Variants in PARD3B observed in about 807,000 individuals in gnomAD.
The protein encoded by PARD3B is par-3 family cell polarity regulator beta.
PARD3B carries 103 observed loss-of-function variants against 130.2 expected under a neutral mutation model. The observed-to-expected ratio is 0.79, with a 90% CI of 0.67 to 0.93. The LOEUF (loss-of-function observed/expected upper bound fraction) is 0.93. PARD3B is among the 40% of genes least tolerant of loss of function. The probability of loss-of-function intolerance (pLI) is 0.00; values close to 1 mark genes in which losing one functional copy is unlikely to be tolerated. For synonymous variants in PARD3B, 583 were observed against 553.2 expected, an observed-to-expected ratio of 1.05 and a Z score of -0.76; for missense variants, 1,609 against 1,499.2, an observed-to-expected ratio of 1.07 and a Z score of -1.21.
intron 3 of PARD3B, among the ~76,000 whole-genome samples, chr2:204,973,907 G>A (rs935502969): frequency 6.6e-6 from 1 of 152,066 alleles, no homozygotes; most frequent in Non-Finnish European, 1.5e-5. Context: ...TCTCTATTTT[G>A]CTTACCCCTT....
intron 2 of PARD3B, among the ~76,000 whole-genome samples, chr2:204,961,296 A>G (rs376017210): frequency 2.0e-5 from 3 of 152,130 alleles, no homozygotes; most frequent in South Asian, 2.1e-4. Flanking sequence ...TAAGAAACAC[A>G]TGGTAGCTGG....
chr2:205,583,278 CAG>C (rs1489193865), intron 22 of PARD3B, among the ~76,000 whole-genome samples: 1 of 152,138 alleles, frequency 6.6e-6, no homozygotes, highest in Non-Finnish European at 1.5e-5. Context: ...TCTTTGAACT[CAG>C]AGAACTGATC....
intron 2 of PARD3B, among the ~76,000 whole-genome samples, chr2:204,755,458 C>T (rs968290215): frequency 6.6e-6 from 1 of 152,050 alleles, no homozygotes; most frequent in Admixed American, 6.6e-5. Flanking sequence ...GTCAACCAAC[C>T]CAAACTCTTA....
rs926241990 is a variant in PARD3B at position 205,460,736 on chromosome 2, T to G, written c.3044+20064T>G. On this transcript the variant is annotated intron_variant, in intron 20 of 22. Transcript: ENST00000406610. This position sits in a 1 kb window ranked among gnomAD's most constrained non-coding sequence, Gnocchi z 4.9. ...TAAAATTCACAGAGGCCTGAATGAG[T>G]TAATGCATGGCAAACCTGAAGCACA... Among the ~76,000 whole-genome samples, 6 of 152,012 alleles carry G rather than the reference T, an allele frequency of 3.9e-5. No individual in the cohort carries two copies. Among genetic ancestry groups the G allele is most frequent in the African/African-American group, 1.4e-4 (6 of 41,390 alleles).
In PARD3B at chr2:205,142,497, A is replaced by G. The variant is rs2033042020; in HGVS notation, c.1435-16225A>G. ...CGCATAACGAATACTTACTAGATGC[A>G]TACATTCTGCTGGATGCTAAACAGG... On this transcript the variant is annotated intron_variant, in intron 10 of 22. Coordinates refer to ENST00000406610, the MANE Select transcript of PARD3B (RefSeq NM_001302769.2). This position sits in a 1 kb window ranked among gnomAD's most constrained non-coding sequence, Gnocchi z 4.3. 6.6e-6 allele frequency among the ~76,000 whole-genome samples: 1 copy of G among 152,198 alleles called. No homozygotes were observed. The highest frequency in any genetic ancestry group is 6.5e-5 in the Admixed American group (1 of 15,288).
At chr2:204,658,816 A>G (rs1438088140) in intron 1 of PARD3B, among the ~76,000 whole-genome samples, 4 of 152,200 alleles carry the variant, frequency 2.6e-5, no homozygotes, top group Non-Finnish European at 4.4e-5. Flanking sequence ...TCCAGGGTAC[A>G]ATCTGCTATT....
At chr2:205,088,391 T>G (rs377603764) in intron 4 of PARD3B, among the ~76,000 whole-genome samples, 5 of 152,106 alleles carry the variant, frequency 3.3e-5, no homozygotes, top group Non-Finnish European at 7.4e-5. Context: ...AGAAAGAAAA[T>G]AAATAGATTG....
chr2:204,965,223 G>T lies in PARD3B; in HGVS notation c.294G>T (p.Arg98=), dbSNP rs753484042. Reference sequence around the variant, plus strand: ...GCCCCAGTGGAAACCCTGCAGATCGGCAGAGCCCAGATGCTTTTGAGACAG... The same window carrying T: ...GCCCCAGTGGAAACCCTGCAGATCGTCAGAGCCCAGATGCTTTTGAGACAG... The part of the protein sequence containing the change: ...IESPSGNPAD[R]QSPDAFETEV... Residue 98 remains arginine (R), a synonymous_variant, in exon 3 of 23, where the codon CGG becomes CGT. Transcript: ENST00000406610. 29 of 1,613,788 alleles carry T rather than the reference G, an allele frequency of 1.8e-5. 1 individual carries two copies. The South Asian group carries it at 3.0e-4, about 16-fold the overall frequency.
chr2:205,414,176 G>A (rs849263), intron 19 of PARD3B, among the ~76,000 whole-genome samples: 125,058 of 152,090 alleles, frequency 0.82, 54,656 homozygotes, highest in East Asian at 0.98. Context: ...GAGGCAATAG[G>A]ACTAAACTCC....
In PARD3B at chr2:205,341,511, T is replaced by A. The variant is rs939035820; in HGVS notation, c.2630+39810T>A. ...GGCACAGAAAGATAAATACTGCATG[T>A]TCTTATGTATATGTAGAAGCTAAAA... On this transcript the variant is annotated intron_variant, in intron 18 of 22. Coordinates refer to ENST00000406610, the MANE Select transcript of PARD3B (RefSeq NM_001302769.2). This position sits in a 1 kb window ranked among gnomAD's most constrained non-coding sequence, Gnocchi z 4.3. 2.6e-5 allele frequency among the ~76,000 whole-genome samples: 4 copies of A among 152,104 alleles called. No individual in the cohort carries two copies. The highest frequency in any genetic ancestry group is 9.7e-5 in the African/African-American group (4 of 41,408).
chr2:204,601,401 A>G (rs2033506036), intron 1 of PARD3B, among the ~76,000 whole-genome samples: 3 of 152,100 alleles, frequency 2.0e-5, no homozygotes, highest in Admixed American at 6.5e-5. Flanking sequence ...TACATGTTAG[A>G]TGGTGATTGC....
chr2:205,001,831 A>C (rs910476222), intron 3 of PARD3B, among the ~76,000 whole-genome samples: 71 of 152,196 alleles, frequency 4.7e-4, no homozygotes, highest in African/African-American at 1.5e-3. Flanking sequence ...TTATGACAAC[A>C]GTAGAGAGCA....
In PARD3B at chr2:205,121,877, C is replaced by G. The variant is rs2030778803; in HGVS notation, c.1093C>G (p.Pro365Ala). 6.2e-7 allele frequency: 1 copy of G among 1,614,018 alleles called. No homozygotes were observed. The highest frequency in any genetic ancestry group is 8.5e-7 in the Non-Finnish European group (1 of 1,179,992). Residue 365 changes from proline (P) to alanine (A), a missense_variant, in exon 8 of 23, where the codon CCC becomes GCC. Pro to Ala is a conservative substitution (Grantham distance 27). Transcript: ENST00000406610. This position sits in a 1 kb window ranked among gnomAD's most constrained non-coding sequence, Gnocchi z 5.0. Reference protein sequence around the residue: ...VPRLGGKPSSPSLSPLMGFGS... With the variant: ...VPRLGGKPSSASLSPLMGFGS... ...AAGGCTGGGAGGAAAACCATCCTCT[C>G]CCTCACTCTCGCCTCTCATGGGATT...
chr2:205,006,978 T>C lies in PARD3B; in HGVS notation c.395-40603T>C, dbSNP rs546103905. Among the ~76,000 whole-genome samples, 178 of 152,332 alleles carry C rather than the reference T, an allele frequency of 1.2e-3. 1 individual carries two copies. The highest frequency in any genetic ancestry group is 4.0e-3 in the African/African-American group (167 of 41,572). ...TTTAAGTATTTGATTCACCTAATAT[T>C]GTTAGGCTTTGTGTTCTAACCCGAA... is the stretch of plus-strand genomic sequence containing the variant. On this transcript the variant is annotated intron_variant, in intron 3 of 22. Transcript: ENST00000406610.
intron 1 of PARD3B, among the ~76,000 whole-genome samples, chr2:204,603,491 A>G (rs1233238074): frequency 6.6e-6 from 1 of 152,120 alleles, no homozygotes; most frequent in Non-Finnish European, 1.5e-5. Context: ...AATTGTTTGG[A>G]TCTCTGAGGA....
intron 2 of PARD3B, among the ~76,000 whole-genome samples, chr2:204,800,384 G>T (rs1003005301): frequency 4.6e-5 from 7 of 152,024 alleles, no homozygotes; most frequent in Admixed American, 1.3e-4. Context: ...CTAGAAAGTC[G>T]CCTCAAAAGG....
chr2:204,652,950 GCAGGGGAAGTCTGCCCC>G (rs1382398286), intron 1 of PARD3B, among the ~76,000 whole-genome samples: 1 of 151,032 alleles, frequency 6.6e-6, no homozygotes, highest in East Asian at 1.9e-4. Flanking sequence ...CATGACAATA[GCAGGGGAAGTCTGCCCC>G]CATTATTCAA....
chr2:205,055,904 T>G (rs1469137522), intron 4 of PARD3B, among the ~76,000 whole-genome samples: 1 of 152,148 alleles, frequency 6.6e-6, no homozygotes, highest in Non-Finnish European at 1.5e-5. Context: ...TGCCTACATA[T>G]GCGTATGTGT....
chr2:205,586,198 G>A (rs7605598), intron 22 of PARD3B, among the ~76,000 whole-genome samples: 48,843 of 152,050 alleles, frequency 0.32, 8,084 homozygotes, highest in Middle Eastern at 0.42. Flanking sequence ...TGGCAATGCT[G>A]TTGTAATAAA....
Sources: gnomAD v4.1 joint callset for allele counts (sites outside exome capture counted in the v4.1 genomes callset) on GRCh38, gnomAD v4.1.1 for gene constraint, Gnocchi (gnomAD v3.1) non-coding constraint, MANE v1.5 for transcripts, NCBI Gene and HGNC (gene_info 2026-07-23, HGNC 2026-07-21) for gene names.